FYN: variants seen among roughly 807,000 people sequenced by gnomAD.
FYN encodes FYN proto-oncogene, Src family tyrosine kinase.
A neutral mutation model predicts 70.2 loss-of-function variants in FYN; 10 were observed. That is an observed-to-expected ratio of 0.14 (90% CI 0.09 to 0.24). The LOEUF is 0.24. Among genes scored for constraint, FYN ranks in the 10% least tolerant of loss-of-function variants. The probability of loss-of-function intolerance (pLI) is 1.00; values close to 1 mark genes in which losing one functional copy is unlikely to be tolerated. For missense variants in FYN, 319 were observed against 673.1 expected, an observed-to-expected ratio of 0.47 and a Z score of 5.82; for synonymous variants, 236 against 248.6, an observed-to-expected ratio of 0.95 and a Z score of 0.48.
chr6:111,830,931 T>A (rs1482830456), intron 2 of FYN, among the ~76,000 whole-genome samples: 1 of 151,914 alleles, frequency 6.6e-6, no homozygotes, highest in East Asian at 1.9e-4. Flanking sequence ...ACTGTAGACA[T>A]GGGCATGGGA....
At chr6:111,696,807 C>T (rs188268511) in intron 9 of FYN, 164 of 168,400 alleles carry the variant, frequency 9.7e-4, no homozygotes, top group African/African-American at 3.7e-3. Context: ...TTGGAACAGG[C>T]CTGGCCATCT....
chr6:111,843,121 C>T (rs1006997060), intron 2 of FYN, among the ~76,000 whole-genome samples: 6 of 152,186 alleles, frequency 3.9e-5, no homozygotes, highest in African/African-American at 1.2e-4. Context: ...CAGGAATTCT[C>T]GGTCTCACTG....
chr6:111,815,440 T>G lies in FYN; in HGVS notation c.-82+31149A>C, dbSNP rs751892255. Among the ~76,000 whole-genome samples the G allele has an allele frequency of 3.0e-4, 46 of 152,154 alleles. 1 individual carries two copies. Among genetic ancestry groups the G allele is most frequent in the Admixed American group, 6.5e-4 (10 of 15,274 alleles). The stretch of plus-strand genomic sequence containing the variant: ...ACTTAATTTTCATTCCAATAAAAAT[T>G]TATTACAAATAAATAGCAACACAAA... On this transcript the variant is annotated intron_variant, in intron 2 of 13. Transcript: ENST00000354650.
chr6:111,733,830 G>A (rs1258335468), intron 3 of FYN, among the ~76,000 whole-genome samples: 1 of 152,216 alleles, frequency 6.6e-6, no homozygotes, highest in Non-Finnish European at 1.5e-5. Flanking sequence ...GCTCATGCCT[G>A]TAATCCCAGC....
At chr6:111,813,960 A>C (rs980866294) in intron 2 of FYN, 7 of 152,158 alleles carry the variant, frequency 4.6e-5, no homozygotes, top group Admixed American at 3.3e-4. Context: ...AACCCGAGGG[A>C]GATGGATCTT....
At chr6:111,764,512 TGAGAA>T in intron 3 of FYN, among the ~76,000 whole-genome samples, 1 of 152,182 alleles carries the variant, frequency 6.6e-6, no homozygotes, top group African/African-American at 2.4e-5. Context: ...ATATTAATTG[TGAGAA>T]TAAGTACTTT....
chr6:111,674,440 C>T lies in FYN; in HGVS notation c.1405+59G>A. ...GAAAGCAAAGTGGATGAAGTTTTCC[C>T]AAATGGTGTCAAAAAAGCCTCCAAT... is the stretch of plus-strand genomic sequence containing the variant. On this transcript the variant is annotated intron_variant, in intron 13 of 13. Transcript: ENST00000354650. The T allele has an allele frequency of 3.2e-6, 5 of 1,548,134 alleles. No homozygotes were observed. The South Asian group carries it at 6.1e-5, about 19-fold the overall frequency.
chr6:111,662,482 C>G (rs996377487), intron 13 of FYN, among the ~76,000 whole-genome samples: 2 of 152,218 alleles, frequency 1.3e-5, no homozygotes, highest in Non-Finnish European at 2.9e-5. Context: ...GGAGCCAGAC[C>G]TGCCAACCCC....
intron 2 of FYN, among the ~76,000 whole-genome samples, chr6:111,837,080 T>C (rs1379918104): frequency 6.6e-6 from 1 of 152,218 alleles, no homozygotes; most frequent in Admixed American, 6.5e-5. Flanking sequence ...CCTGACACTT[T>C]ACCAGTGAGG....
In FYN at chr6:111,694,443, A is replaced by T. The variant is rs1276905617; in HGVS notation, c.1205T>A (p.Leu402His). The change falls in exon 12 of 14, where the codon CTC becomes CAC. Residue 402 changes from leucine to histidine, a missense_variant. Leu to His is a moderately conservative substitution (Grantham distance 99, BLOSUM62 -3). Transcript: ENST00000354650. This position sits in a 1 kb window ranked among gnomAD's most constrained non-coding sequence, Gnocchi z 5.0. ...TCCGAAGTCAGCAATCTTGCATATGAGTCCATTCCCCACTAGAATGTTTGC... is the reference window on the plus strand; with the variant it reads ...TCCGAAGTCAGCAATCTTGCATATGTGTCCATTCCCCACTAGAATGTTTGC... ...RSANILVGNG[L>H]ICKIADFGLA... 2.5e-6 allele frequency: 4 copies of T among 1,614,134 alleles called. No individual in the cohort carries two copies. Among genetic ancestry groups the T allele is most frequent in the African/African-American group, 1.3e-5 (1 of 74,950 alleles).
chr6:111,722,667 T>C (rs1240479393), intron 3 of FYN, among the ~76,000 whole-genome samples: 3 of 152,120 alleles, frequency 2.0e-5, no homozygotes, highest in Non-Finnish European at 4.4e-5. Flanking sequence ...AAGAGACATA[T>C]TGGGCAATGT....
At chr6:111,817,545 G>A (rs1772528221) in intron 2 of FYN, among the ~76,000 whole-genome samples, 1 of 152,104 alleles carries the variant, frequency 6.6e-6, no homozygotes, top group South Asian at 2.1e-4. Flanking sequence ...TATTTCACTG[G>A]TTTGACTTTC....
At chr6:111,825,209 G>A (rs528861226) in intron 2 of FYN, among the ~76,000 whole-genome samples, 1 of 152,194 alleles carries the variant, frequency 6.6e-6, no homozygotes, top group Non-Finnish European at 1.5e-5. Context: ...CCCTTTGTGG[G>A]AGGCACCCTC....
chr6:111,751,023 A>C (rs1056219049), intron 3 of FYN, among the ~76,000 whole-genome samples: 1 of 152,218 alleles, frequency 6.6e-6, no homozygotes, highest in Non-Finnish European at 1.5e-5. Flanking sequence ...CATTATCTAC[A>C]GAGTCACACT....
At chr6:111,818,924 C>T (rs556176888) in intron 2 of FYN, among the ~76,000 whole-genome samples, 18 of 152,248 alleles carry the variant, frequency 1.2e-4, no homozygotes, top group East Asian at 1.2e-3. Flanking sequence ...TTGGACCATC[C>T]GGCTATGCTT....
At chr6:111,830,889 T>C (rs371351835) in intron 2 of FYN, among the ~76,000 whole-genome samples, 1 of 151,798 alleles carries the variant, frequency 6.6e-6, no homozygotes, top group East Asian at 2.0e-4. Context: ...AGAGAAGGTA[T>C]ATATAAAGAT....
At chr6:111,845,589 C>A (rs965252624) in intron 2 of FYN, among the ~76,000 whole-genome samples, 3 of 152,194 alleles carry the variant, frequency 2.0e-5, no homozygotes, top group African/African-American at 7.2e-5. Flanking sequence ...GAGCTGCATT[C>A]AGAATGGCTC....
At chr6:111,769,438 T>C (rs1803355815) in intron 3 of FYN, among the ~76,000 whole-genome samples, 1 of 152,234 alleles carries the variant, frequency 6.6e-6, no homozygotes, top group Non-Finnish European at 1.5e-5. Context: ...TATAATCTAA[T>C]AATTCAAGTA....
intron 2 of FYN, among the ~76,000 whole-genome samples, chr6:111,784,854 G>A (rs982657978): frequency 6.6e-6 from 1 of 152,216 alleles, no homozygotes; most frequent in African/African-American, 2.4e-5. Context: ...CCACCCATAC[G>A]TATTTTATAC....
Sources: allele counts gnomAD v4.1 joint callset (sites outside exome capture counted in the v4.1 genomes callset), GRCh38; gene constraint gnomAD v4.1.1; non-coding constraint Gnocchi (gnomAD v3.1); transcripts MANE v1.5; gene names NCBI Gene and HGNC (gene_info 2026-07-23, HGNC 2026-07-21).